Variants in STK17B observed in about 807,000 individuals in gnomAD.
The protein encoded by STK17B is serine/threonine-protein kinase 17B.
Under a neutral mutation model 42.0 loss-of-function variants are expected in STK17B, and 21 were observed. The ratio of observed to expected loss-of-function variants is 0.50; its 90% confidence interval spans 0.35 to 0.72. STK17B has a LOEUF of 0.72. Ranked by LOEUF, STK17B falls within the 30% of genes least tolerant of loss-of-function variation. STK17B has a pLI of 0.00. For synonymous variants in STK17B, 143 were observed against 148.4 expected, an observed-to-expected ratio of 0.96 and a Z score of 0.26; for missense variants, 349 against 446.0, an observed-to-expected ratio of 0.78 and a Z score of 1.96.
chr2:196,164,530 CTACT>C lies in STK17B; in HGVS notation c.-44-1107_-44-1104del, dbSNP rs1377265400. Among the ~76,000 whole-genome samples the C allele has an allele frequency of 1.5e-3, 230 of 152,234 alleles. 1 individual carries two copies. Among genetic ancestry groups the C allele is most frequent in the Non-Finnish European group, 4.0e-4 (27 of 68,004 alleles). On this transcript the variant is annotated intron_variant, in intron 1 of 7. Transcript: ENST00000263955. ...AGACACTTATGACTTATTGCTATGC[CTACT>C]TAATAAAATATCAATTATTATTCTT...
intron 5 of STK17B, among the ~76,000 whole-genome samples, chr2:196,143,136 T>C (rs997222048): frequency 1.3e-5 from 2 of 152,214 alleles, no homozygotes; most frequent in African/African-American, 4.8e-5. Context: ...ACTGAAGATA[T>C]CTGTATTGTG....
intron 2 of STK17B, among the ~76,000 whole-genome samples, chr2:196,160,438 T>A (rs1275462345): frequency 6.6e-6 from 1 of 152,212 alleles, no homozygotes; most frequent in African/African-American, 2.4e-5. Context: ...CTGTTAACTT[T>A]TACATAATTT....
rs185080235 is a variant in STK17B at position 196,167,342 on chromosome 2, G to A, written c.-44-3915C>T. Among the ~76,000 whole-genome samples, 126 of 152,230 alleles carry A rather than the reference G, an allele frequency of 8.3e-4. 1 individual carries two copies. The highest frequency in any genetic ancestry group is 2.9e-3 in the African/African-American group (119 of 41,544). On this transcript the variant is annotated intron_variant, in intron 1 of 7. Coordinates refer to ENST00000263955, the MANE Select transcript of STK17B (RefSeq NM_004226.4). Reference sequence around the variant, plus strand: ...GCAACCAGCATGGTATCTGCCACCCGGTAGGAATTTTAAAAATGTTTGATG... The same window carrying A: ...GCAACCAGCATGGTATCTGCCACCCAGTAGGAATTTTAAAAATGTTTGATG...
chr2:196,138,718 G>C (rs1312169471), intron 7 of STK17B, among the ~76,000 whole-genome samples: 1 of 151,908 alleles, frequency 6.6e-6, no homozygotes, highest in Admixed American at 6.6e-5. Flanking sequence ...TGGAACTATA[G>C]GTGCATGCCA....
Position 196,147,071 on chromosome 2 carries a change from T to A in STK17B, c.336-1016A>T, listed in dbSNP as rs55677251. Among the ~76,000 whole-genome samples the A allele has an allele frequency of 2.2e-3, 341 of 152,272 alleles. 2 individuals are homozygous for A. Among genetic ancestry groups the A allele is most frequent in the African/African-American group, 7.9e-3 (327 of 41,550 alleles). On this transcript the variant is annotated intron_variant, in intron 3 of 7. Coordinates refer to ENST00000263955, the MANE Select transcript of STK17B (RefSeq NM_004226.4). ...AGGGTCAGTTACTTATAGTCATCCA[T>A]AAAGCAGAAATATCAATAAAATCCA... is the stretch of plus-strand genomic sequence containing the variant.
intron 2 of STK17B, among the ~76,000 whole-genome samples, chr2:196,162,839 A>C (rs1381063746): frequency 6.6e-6 from 1 of 152,066 alleles, no homozygotes; most frequent in Non-Finnish European, 1.5e-5. Context: ...GCAGTGAGCC[A>C]AGATCATGTC....
At chr2:196,140,577 C>CTT (rs58205758) in intron 6 of STK17B, among the ~76,000 whole-genome samples, 31 of 101,448 alleles carry the variant, frequency 3.1e-4, no homozygotes, top group East Asian at 6.0e-4. Context: ...CTTCTTCTAG[C>CTT]TTTTTTTTTT....
Position 196,145,974 on chromosome 2 carries a change from A to C in STK17B, c.417T>G (p.Ile139Met). ...MVSENDVIRL[I>M]KQILEGVYYL... Reference sequence around the variant, plus strand: ...AATAAACTCCTTCAAGTATTTGTTTAATGAGTCTGATAACATCATTTTCAG... The same window carrying C: ...AATAAACTCCTTCAAGTATTTGTTTCATGAGTCTGATAACATCATTTTCAG... The change falls in exon 4 of 8, where the codon ATT (isoleucine) becomes ATG (methionine). Residue 139 changes from isoleucine (I) to methionine (M), a missense_variant. This residue lies in a region of STK17B where 256 missense variants were observed against 347.7 expected (regional missense o/e 0.74). Transcript: ENST00000263955. The C allele has an allele frequency of 1.2e-6, 2 of 1,607,686 alleles. No individual in the cohort carries two copies. The highest frequency in any genetic ancestry group is 8.5e-7 in the Non-Finnish European group (1 of 1,178,418).
At chr2:196,164,399 A>T (rs1343440898) in intron 1 of STK17B, among the ~76,000 whole-genome samples, 1 of 152,222 alleles carries the variant, frequency 6.6e-6, no homozygotes, top group African/African-American at 2.4e-5. Context: ...TCTGTATCTG[A>T]AGCTCATATA....
At chr2:196,147,892 C>T (rs367936321) in intron 3 of STK17B, among the ~76,000 whole-genome samples, 5 of 152,008 alleles carry the variant, frequency 3.3e-5, no homozygotes, top group African/African-American at 1.2e-4. Flanking sequence ...CCACCACGCC[C>T]GGCTAATTTT....
At chr2:196,155,233 T>C (rs1699723266) in intron 3 of STK17B, among the ~76,000 whole-genome samples, 2 of 152,180 alleles carry the variant, frequency 1.3e-5, no homozygotes, top group African/African-American at 2.4e-5. Context: ...TTGACAAAAA[T>C]AATTACAAAA....
At chr2:196,174,964 A>G (rs1699984749), upstream of STK17B, among the ~76,000 whole-genome samples, 1 of 152,234 alleles carries the variant, frequency 6.6e-6, no homozygotes, top group South Asian at 2.1e-4. Flanking sequence ...TGCCAATCCA[A>G]CCACTCACTG....
rs1699726732 is a variant in STK17B at position 196,155,548 on chromosome 2, C to T, written c.335+891G>A. 2.0e-5 allele frequency among the ~76,000 whole-genome samples: 3 copies of T among 152,056 alleles called. No homozygotes were observed. In the South Asian group the frequency reaches 6.2e-4, roughly 32 times the overall value. ...GCAAGTTAGTTACTAAAAAGAATTA[C>T]TATAGTTAGCAATACATTTTTTACT... On this transcript the variant is annotated intron_variant, in intron 3 of 7. Transcript: ENST00000263955.
Position 196,137,243 on chromosome 2 carries a change from TTTC to T in STK17B, c.*201_*203del. ...TACTTTTTGTCATATATTTAAATAT[TTTC>T]TTATCTGCAGAGCTATCTCAGGATA... On this transcript the variant is annotated 3_prime_UTR_variant, in exon 8 of 8. Transcript: ENST00000263955. 2 of 504,070 alleles carry T rather than the reference TTTC, an allele frequency of 4.0e-6. No homozygotes were observed. The highest frequency in any genetic ancestry group is 6.7e-6 in the Non-Finnish European group (2 of 297,962). The allele number at this position is 504,070 out of a possible 1,614,324, so 31.2% of individuals were successfully genotyped here.
At chr2:196,159,930 A>G (rs73048480) in intron 2 of STK17B, among the ~76,000 whole-genome samples, 2,679 of 152,208 alleles carry the variant, frequency 0.018, 86 homozygotes, top group African/African-American at 0.06. Flanking sequence ...AATTATATAT[A>G]TGTGTGCGTG....
At chr2:196,171,607 C>G (rs1299699659), upstream of STK17B, 1 of 152,152 alleles carries the variant, frequency 6.6e-6, no homozygotes, top group African/African-American at 2.4e-5. Context: ...TGGGGCATCG[C>G]CGTTCGCCAG....
intron 2 of STK17B, among the ~76,000 whole-genome samples, chr2:196,159,022 A>C (rs1053707851): frequency 2.0e-5 from 3 of 151,556 alleles, no homozygotes; most frequent in Non-Finnish European, 2.9e-5. Context: ...AAAAAAAAAA[A>C]AACAAAAAAA....
intron 2 of STK17B, among the ~76,000 whole-genome samples, chr2:196,158,318 T>C (rs905026877): frequency 2.0e-5 from 3 of 152,194 alleles, no homozygotes; most frequent in Non-Finnish European, 4.4e-5. Context: ...TTCCTCAAAA[T>C]TGATGTCAGT....
At chr2:196,172,162 C>T (rs1699956335), upstream of STK17B, among the ~76,000 whole-genome samples, 1 of 152,166 alleles carries the variant, frequency 6.6e-6, no homozygotes, top group South Asian at 2.1e-4. Flanking sequence ...TGCTAACGTC[C>T]GCTGTCGCGA....
Sources: allele counts gnomAD v4.1 joint callset (sites outside exome capture counted in the v4.1 genomes callset), GRCh38; gene constraint gnomAD v4.1.1; regional missense constraint gnomAD v4.1.1; transcripts MANE v1.5; gene names NCBI Gene and HGNC (gene_info 2026-07-23, HGNC 2026-07-21).